DEFB104A: variants seen among roughly 807,000 people sequenced by gnomAD.
DEFB104A encodes beta-defensin 104.
chr8:7,838,893 C>T (rs371031596), intron 1 of DEFB104A, among the ~76,000 whole-genome samples: 11,782 of 122,086 alleles, frequency 0.097, 590 homozygotes, highest in African/African-American at 0.32. Context: ...CTGAGACCTG[C>T]CTAAGATTTT....
At position 7,837,066 on chromosome 8, in the gene DEFB104A, G is replaced by A. The variant is rs570742508; in HGVS notation, c.58+524G>A. 5.4e-4 allele frequency among the ~76,000 whole-genome samples: 76 copies of A among 141,686 alleles called. 3 individuals are homozygous for A. Among genetic ancestry groups the A allele is most frequent in the Non-Finnish European group, 9.0e-4 (59 of 65,508 alleles). The allele number at this position is 141,686 out of a possible 152,430, so 93.0% of individuals were successfully genotyped here. On this transcript the variant is annotated intron_variant, in intron 1 of 1. Coordinates refer to ENST00000314265, the MANE Select transcript of DEFB104A (RefSeq NM_080389.3). ...TGCAGTGATTTCAGTAGGCAAGAACGTAATTTACTGACAACACAAATAGCA... is the reference window on the plus strand; with the variant it reads ...TGCAGTGATTTCAGTAGGCAAGAACATAATTTACTGACAACACAAATAGCA...
Position 7,841,107 on chromosome 8 carries a change from AGAAT to A in DEFB104A, c.133_136del (p.Glu45ThrfsTer14), listed in dbSNP as rs773852964. The A allele has an allele frequency of 3.1e-5, 48 of 1,542,700 alleles. No homozygotes were observed. Among genetic ancestry groups the A allele is most frequent in the Admixed American group, 1.2e-4 (7 of 57,026 alleles). On this transcript the variant is annotated frameshift_variant, in exon 2 of 2. Coordinates refer to ENST00000314265, the MANE Select transcript of DEFB104A (RefSeq NM_080389.3). LOFTEE classifies it high-confidence loss of function. ...GTTGCCGGAAGAAATGTCGCAGCCA[AGAAT>A]ACAGAATTGGAAGATGTCCCAACAC...
At chr8:7,837,267 AGT>A (rs1352653027) in intron 1 of DEFB104A, among the ~76,000 whole-genome samples, 1 of 134,328 alleles carries the variant, frequency 7.4e-6, no homozygotes, top group Non-Finnish European at 1.6e-5. Flanking sequence ...TCTATGGTAC[AGT>A]GAGAGAAAAT....
intron 1 of DEFB104A, among the ~76,000 whole-genome samples, chr8:7,837,196 T>G (rs1307664894): frequency 7.1e-6 from 1 of 139,920 alleles, no homozygotes; most frequent in Non-Finnish European, 1.5e-5. Flanking sequence ...TTAATATATT[T>G]GCAATGGATA....
chr8:7,840,904 TG>T (rs1224506930), intron 1 of DEFB104A, 129 bp from the exon 2 acceptor site: 53 of 1,500,462 alleles, frequency 3.5e-5, no homozygotes, highest in African/African-American at 6.9e-5. Context: ...TGGAGGAGGA[TG>T]GGGGTCCAGG....
intron 1 of DEFB104A, among the ~76,000 whole-genome samples, chr8:7,839,266 G>A (rs113501590): frequency 4.1e-5 from 6 of 144,606 alleles, no homozygotes; most frequent in East Asian, 2.0e-4. Flanking sequence ...GCTAAGCTTC[G>A]TTTTCCCTGA....
chr8:7,838,659 G>T lies in DEFB104A; in HGVS notation c.58+2117G>T, dbSNP rs187563188. 8.9e-4 allele frequency among the ~76,000 whole-genome samples: 129 copies of T among 144,736 alleles called. No homozygotes were observed. In the East Asian group the frequency reaches 0.025, roughly 28 times the overall value. 95.0% of individuals were successfully genotyped at this position (144,736 alleles called of 152,430 possible). A position where few individuals can be genotyped will look rare whatever the true frequency, so the allele number is the denominator to read the frequency against. On this transcript the variant is annotated intron_variant, in intron 1 of 1. Coordinates refer to ENST00000314265, the MANE Select transcript of DEFB104A (RefSeq NM_080389.3). ...CGTGCCATTGCACTCTACCCTAGGC[G>T]ACAGAGCAAGACTCTGTCTCAAAAA...
intron 1 of DEFB104A, among the ~76,000 whole-genome samples, chr8:7,837,360 T>C (rs1341621965): frequency 7.1e-6 from 1 of 140,384 alleles, no homozygotes. Context: ...CATCGGATCT[T>C]CTCTTCCAAG....
chr8:7,837,428 T>C (rs1294227010), intron 1 of DEFB104A, among the ~76,000 whole-genome samples: 1 of 143,020 alleles, frequency 7.0e-6, no homozygotes, highest in Non-Finnish European at 1.5e-5. Context: ...TTTTTGCCCT[T>C]CCGGGCTGTG....
chr8:7,838,381 C>A (rs1382074478), intron 1 of DEFB104A, among the ~76,000 whole-genome samples: 2 of 129,044 alleles, frequency 1.5e-5, no homozygotes, highest in Non-Finnish European at 3.2e-5. Flanking sequence ...CCTTTCTGGA[C>A]CAAACCAATG....
chr8:7,838,579 C>A (rs1239661590), intron 1 of DEFB104A, among the ~76,000 whole-genome samples: 2 of 145,058 alleles, frequency 1.4e-5, no homozygotes, highest in African/African-American at 5.0e-5. Context: ...GCTCAGGAGG[C>A]GGAGGCAGGA....
intron 1 of DEFB104A, among the ~76,000 whole-genome samples, chr8:7,839,395 A>G (rs1258602836): frequency 6.9e-6 from 1 of 144,658 alleles, no homozygotes; most frequent in African/African-American, 2.5e-5. Context: ...AGCATGATAC[A>G]CACTGCAGCC....
In DEFB104A at chr8:7,838,706, A is replaced by AAC. The variant is rs1387676598; in HGVS notation, c.58+2165_58+2166insCA. On this transcript the variant is annotated intron_variant, in intron 1 of 1. Transcript: ENST00000314265. The stretch of plus-strand genomic sequence containing the variant: ...AAAAAAACCAAAAAAACAAACAAAA[A>AAC]AAAAAACAAAGCAAATCTTACACGT... Among the ~76,000 whole-genome samples, 34 of 142,362 alleles carry AAC rather than the reference A, an allele frequency of 2.4e-4. 2 individuals carry two copies. In the South Asian group the frequency reaches 3.3e-3, roughly 14 times the overall value. 93.4% of individuals were successfully genotyped at this position (142,362 alleles called of 152,430 possible).
intron 1 of DEFB104A, among the ~76,000 whole-genome samples, chr8:7,837,440 C>G (rs1396591728): frequency 7.0e-6 from 1 of 142,924 alleles, no homozygotes; most frequent in Non-Finnish European, 1.5e-5. Context: ...CGGGCTGTGC[C>G]TCCACTGTGA....
chr8:7,836,714 G>A (rs142039302), intron 1 of DEFB104A, among the ~76,000 whole-genome samples, 172 bp downstream of exon 1: 2,780 of 140,764 alleles, frequency 0.02, 43 homozygotes, highest in South Asian at 0.037. Flanking sequence ...GTATGTGGCA[G>A]TCCTTGTATG....
At chr8:7,837,150 C>T (rs1251936182) in intron 1 of DEFB104A, among the ~76,000 whole-genome samples, 1 of 140,368 alleles carries the variant, frequency 7.1e-6, no homozygotes, top group Non-Finnish European at 1.5e-5. Context: ...TCTTCTGACT[C>T]CTACGTTAAT....
At chr8:7,839,504 G>C (rs1817717936) in intron 1 of DEFB104A, among the ~76,000 whole-genome samples, 2 of 83,010 alleles carry the variant, frequency 2.4e-5, no homozygotes, top group Admixed American at 3.1e-4. Flanking sequence ...ACCCGCTGTG[G>C]GGCCATTGCA....
At position 7,837,434 on chromosome 8, in the gene DEFB104A, C is replaced by T. The variant is rs1309034373; in HGVS notation, c.58+892C>T. Reference sequence around the variant, plus strand: ...GCACCCATCTTTTTGCCCTTCCGGGCTGTGCCTCCACTGTGATTCAGATGG... The same window carrying T: ...GCACCCATCTTTTTGCCCTTCCGGGTTGTGCCTCCACTGTGATTCAGATGG... On this transcript the variant is annotated intron_variant, in intron 1 of 1. Transcript: ENST00000314265. Among the ~76,000 whole-genome samples, 5 of 142,972 alleles carry T rather than the reference C, an allele frequency of 3.5e-5. 1 individual carries two copies. Among genetic ancestry groups the T allele is most frequent in the African/African-American group, 5.2e-5 (2 of 38,248 alleles). 93.8% of individuals were successfully genotyped at this position (142,972 alleles called of 152,430 possible).
chr8:7,838,580 G>A (rs867482290), intron 1 of DEFB104A, among the ~76,000 whole-genome samples: 243 of 145,142 alleles, frequency 1.7e-3, no homozygotes, highest in Non-Finnish European at 2.2e-3. Context: ...CTCAGGAGGC[G>A]GAGGCAGGAG....
Sources: allele counts gnomAD v4.1 joint callset (sites outside exome capture counted in the v4.1 genomes callset), GRCh38; gene constraint gnomAD v4.1.1; transcripts MANE v1.5; gene names NCBI Gene and HGNC (gene_info 2026-07-23, HGNC 2026-07-21).